GPC5: variants seen among roughly 807,000 people sequenced by gnomAD.
The protein encoded by GPC5 is glypican-5.
Under a neutral mutation model 53.9 loss-of-function variants are expected in GPC5, and 47 were observed. That is an observed-to-expected ratio of 0.87 (90% confidence interval 0.69 to 1.11). The LOEUF is 1.11. GPC5 is among the 50% of genes most tolerant of loss of function. The pLI, the probability that GPC5 is intolerant of heterozygous loss-of-function variation, is 0.00. For synonymous variants in GPC5, 286 were observed against 263.3 expected, an observed-to-expected ratio of 1.09 and a Z score of -0.84; for missense variants, 748 against 713.1, an observed-to-expected ratio of 1.05 and a Z score of -0.56.
chr13:92,832,224 C>G (rs572325316), intron 7 of GPC5, among the ~76,000 whole-genome samples: 4 of 152,246 alleles, frequency 2.6e-5, no homozygotes, highest in African/African-American at 9.6e-5. Context: ...AAAACGTTAA[C>G]TTACTTAAAC....
chr13:92,704,441 C>T (rs1291403821), intron 7 of GPC5, among the ~76,000 whole-genome samples: 1 of 151,908 alleles, frequency 6.6e-6, no homozygotes, highest in African/African-American at 2.4e-5. Context: ...TATTAAAAGC[C>T]TATTTATCTC....
intron 7 of GPC5, among the ~76,000 whole-genome samples, chr13:92,398,428 C>CAAAAAAAAAAAAAAAAAAAAAAAAA (rs35873316): frequency 1.1e-4 from 10 of 87,646 alleles, no homozygotes; most frequent in East Asian, 6.5e-4. Context: ...GACTCCGTCT[C>CAAAAAAAAAAAAAAAAAAAAAAAAA]AAAAAAAAAA....
At chr13:92,038,865 A>T (rs975014358) in intron 6 of GPC5, among the ~76,000 whole-genome samples, 1 of 152,212 alleles carries the variant, frequency 6.6e-6, no homozygotes, top group African/African-American at 2.4e-5. Flanking sequence ...AAAGTAGATG[A>T]AAAATGGAGA....
chr13:92,568,021 G>C (rs899848534), intron 7 of GPC5, among the ~76,000 whole-genome samples: 3 of 152,132 alleles, frequency 2.0e-5, no homozygotes, highest in African/African-American at 7.2e-5. Context: ...AGAATATTTA[G>C]TTTAGTTTGT....
rs191581437 is a variant in GPC5 at position 92,555,664 on chromosome 13, G to A, written c.1562-310618G>A. ...TATTTTCAATTTTAATTTAAAATTA[G>A]ACATATAAGAATATGGGCTTTTAGG... On this transcript the variant is annotated intron_variant, in intron 7 of 7. Transcript: ENST00000377067. Among the ~76,000 whole-genome samples the A allele has an allele frequency of 4.0e-5, 6 of 149,598 alleles. No individual in the cohort carries two copies. The Admixed American group carries it at 4.0e-4, about 10-fold the overall frequency.
chr13:92,725,813 A>C (rs1888630354), intron 7 of GPC5, among the ~76,000 whole-genome samples: 1 of 151,582 alleles, frequency 6.6e-6, no homozygotes, highest in African/African-American at 2.4e-5. Flanking sequence ...TGAAATTGTT[A>C]TTGACCTTTA....
chr13:91,851,235 G>A (rs532162638), intron 5 of GPC5, among the ~76,000 whole-genome samples: 2 of 152,230 alleles, frequency 1.3e-5, no homozygotes, highest in South Asian at 4.1e-4. Context: ...GAATACTGTA[G>A]GCAATTGTAG....
intron 7 of GPC5, among the ~76,000 whole-genome samples, chr13:92,557,045 C>T (rs148513952): frequency 1.2e-4 from 18 of 151,176 alleles, no homozygotes; most frequent in African/African-American, 4.1e-4. Flanking sequence ...ACAGGATTGA[C>T]TATGCTTGAT....
chr13:92,164,124 G>A (rs1009685334), intron 7 of GPC5, among the ~76,000 whole-genome samples: 2 of 152,076 alleles, frequency 1.3e-5, no homozygotes, highest in African/African-American at 4.8e-5. Flanking sequence ...ATGAAATTTG[G>A]GTAGGGACTC....
Position 92,213,152 on chromosome 13 carries a change from A to G in GPC5, c.1561+68163A>G, listed in dbSNP as rs531771084. Among the ~76,000 whole-genome samples, 3 of 152,340 alleles carry G rather than the reference A, an allele frequency of 2.0e-5. No individual in the cohort carries two copies. The East Asian group carries it at 5.8e-4, about 29-fold the overall frequency. On this transcript the variant is annotated intron_variant, in intron 7 of 7. Transcript: ENST00000377067. ...AGGTTTCTCAGACAAATGATCAAAT[A>G]GTTGATTTGATTGCCCTGAATAATA...
At chr13:91,660,009 GA>G (rs1162160166) in intron 2 of GPC5, among the ~76,000 whole-genome samples, 5 of 151,952 alleles carry the variant, frequency 3.3e-5, no homozygotes, top group Admixed American at 2.6e-4. Context: ...CTTAATAGAG[GA>G]AAAAAAGAAA....
chr13:92,427,974 T>C (rs1566586089), intron 7 of GPC5, among the ~76,000 whole-genome samples: 3 of 152,140 alleles, frequency 2.0e-5, no homozygotes, highest in Admixed American at 2.0e-4. Flanking sequence ...TGTGGAATAA[T>C]TGAGTAGTTT....
intron 7 of GPC5, among the ~76,000 whole-genome samples, chr13:92,598,257 G>A (rs1474262155): frequency 2.0e-5 from 3 of 152,266 alleles, no homozygotes; most frequent in South Asian, 2.1e-4. Flanking sequence ...TCACAGTCAA[G>A]GTATGGAATA....
At chr13:91,991,136 G>C (rs529811988) in intron 6 of GPC5, among the ~76,000 whole-genome samples, 2 of 152,316 alleles carry the variant, frequency 1.3e-5, no homozygotes, top group East Asian at 3.9e-4. Flanking sequence ...ACACAACTAT[G>C]ATGATCGTAC....
intron 1 of GPC5, among the ~76,000 whole-genome samples, chr13:91,406,114 A>T (rs184705419): frequency 1.3e-5 from 2 of 152,262 alleles, no homozygotes; most frequent in East Asian, 3.9e-4. Flanking sequence ...TTCTTTTTGC[A>T]TTGGTCTCTG....
chr13:92,134,975 C>T (rs943742001), intron 6 of GPC5, among the ~76,000 whole-genome samples: 26 of 152,030 alleles, frequency 1.7e-4, no homozygotes, highest in Admixed American at 3.3e-4. Context: ...AAGAAATTTG[C>T]GTCACACATC....
chr13:92,261,261 G>A (rs530752686), intron 7 of GPC5, among the ~76,000 whole-genome samples: 2 of 152,182 alleles, frequency 1.3e-5, no homozygotes, highest in South Asian at 2.1e-4. Flanking sequence ...AATTTTGCTA[G>A]CATAACCTCA....
chr13:92,076,004 T>A (rs1566424697), intron 6 of GPC5, among the ~76,000 whole-genome samples: 1 of 152,192 alleles, frequency 6.6e-6, no homozygotes, highest in East Asian at 1.9e-4. Flanking sequence ...TTTTAAAACT[T>A]AAATTGTGTG....
chr13:91,860,158 A>G (rs2039010576), intron 5 of GPC5, among the ~76,000 whole-genome samples: 1 of 152,128 alleles, frequency 6.6e-6, no homozygotes, highest in South Asian at 2.1e-4. Context: ...AGAGCATTAG[A>G]ACTTATTCCT....
Sources: allele counts gnomAD v4.1 joint callset (sites outside exome capture counted in the v4.1 genomes callset), GRCh38; gene constraint gnomAD v4.1.1; transcripts MANE v1.5; gene names NCBI Gene and HGNC (gene_info 2026-07-23, HGNC 2026-07-21).